The following SLCO3A1 variants were observed in gnomAD, a reference collection of about 807,000 sequenced individuals.
The protein encoded by SLCO3A1 is PGE1 transporter.
A neutral mutation model predicts 63.1 loss-of-function variants in SLCO3A1; 27 were observed. The observed-to-expected ratio is 0.43, with a 90% confidence interval of 0.32 to 0.59. SLCO3A1 has a LOEUF of 0.59. Among genes scored for constraint, SLCO3A1 ranks in the 20% least tolerant of loss-of-function variants. The probability of loss-of-function intolerance (pLI) is 0.09; values close to 1 mark genes in which losing one functional copy is unlikely to be tolerated. For synonymous variants in SLCO3A1, 473 were observed against 409.9 expected, an observed-to-expected ratio of 1.15 and a Z score of -1.86; for missense variants, 773 against 945.8, an observed-to-expected ratio of 0.82 and a Z score of 2.40.
intron 1 of SLCO3A1, among the ~76,000 whole-genome samples, chr15:91,870,071 T>G (rs998403580): frequency 6.6e-6 from 1 of 152,070 alleles, no homozygotes; most frequent in African/African-American, 2.4e-5. Flanking sequence ...TTGGGGAGGA[T>G]TGAGTGGGGA....
At chr15:92,134,884 G>A (rs904245657) in intron 7 of SLCO3A1, among the ~76,000 whole-genome samples, 2 of 152,132 alleles carry the variant, frequency 1.3e-5, no homozygotes, top group African/African-American at 2.4e-5. Context: ...TTCTGGGTGG[G>A]GCAGGGGTGG....
chr15:91,972,831 G>C (rs1900930369), intron 2 of SLCO3A1, among the ~76,000 whole-genome samples: 1 of 152,158 alleles, frequency 6.6e-6, no homozygotes, highest in Non-Finnish European at 1.5e-5. Flanking sequence ...CATAGAAAAG[G>C]ACAGTGGGGC....
At chr15:91,969,436 G>C (rs1021897654) in intron 2 of SLCO3A1, among the ~76,000 whole-genome samples, 2 of 151,924 alleles carry the variant, frequency 1.3e-5, no homozygotes, top group African/African-American at 4.8e-5. Context: ...CTCCCAAATA[G>C]CTTGGGTTAC....
intron 1 of SLCO3A1, among the ~76,000 whole-genome samples, chr15:91,855,350 A>G (rs1021889195): frequency 3.3e-5 from 5 of 152,166 alleles, no homozygotes; most frequent in Non-Finnish European, 7.3e-5. Context: ...GTGTTGAGGA[A>G]GTTAGGTGGT....
chr15:91,889,181 G>T lies in SLCO3A1; in HGVS notation c.181-26812G>T, dbSNP rs755163437. 3 of 1,286,358 alleles carry T rather than the reference G, an allele frequency of 2.3e-6. No individual in the cohort carries two copies. The Admixed American group carries it at 6.9e-5, about 30-fold the overall frequency. The allele number at this position is 1,286,358 out of a possible 1,614,324, so 79.7% of individuals were successfully genotyped here. On this transcript the variant is annotated intron_variant, in intron 1 of 9. Transcript: ENST00000318445. ...GTTCCTTGACTGATGTCATAACACT[G>T]GAGATGCATGCTCCTTAGATGAATG...
At chr15:91,922,020 C>A (rs938040306) in intron 2 of SLCO3A1, among the ~76,000 whole-genome samples, 2 of 152,166 alleles carry the variant, frequency 1.3e-5, no homozygotes, top group Non-Finnish European at 2.9e-5. Flanking sequence ...CAGGCATGAG[C>A]CACTGCGCCC....
chr15:92,135,228 T>C (rs1189667170), intron 7 of SLCO3A1, among the ~76,000 whole-genome samples: 1 of 152,166 alleles, frequency 6.6e-6, no homozygotes, highest in Non-Finnish European at 1.5e-5. Flanking sequence ...CTTTCACCTT[T>C]CCGTGATCTC....
chr15:92,093,219 G>A (rs1241768050), intron 2 of SLCO3A1, among the ~76,000 whole-genome samples: 2 of 152,160 alleles, frequency 1.3e-5, no homozygotes, highest in African/African-American at 2.4e-5. Context: ...AGACAGTACC[G>A]GAAGCATGGT....
intron 1 of SLCO3A1, among the ~76,000 whole-genome samples, chr15:91,884,582 T>A (rs1456705698): frequency 3.3e-5 from 5 of 152,076 alleles, no homozygotes; most frequent in African/African-American, 9.7e-5. Context: ...TTAAATTGTT[T>A]TAAAATAAAA....
At chr15:92,068,453 T>C (rs896357986) in intron 2 of SLCO3A1, among the ~76,000 whole-genome samples, 1 of 152,154 alleles carries the variant, frequency 6.6e-6, no homozygotes, top group Non-Finnish European at 1.5e-5. Flanking sequence ...AATTCATTCA[T>C]AGCCCAACCA....
At position 91,865,602 on chromosome 15, in the gene SLCO3A1, G is replaced by A. The variant is rs1364122078; in HGVS notation, c.180+11514G>A. 6.6e-6 allele frequency among the ~76,000 whole-genome samples: 1 copy of A among 152,130 alleles called. No individual in the cohort carries two copies. The highest frequency in any genetic ancestry group is 1.5e-5 in the Non-Finnish European group (1 of 68,022). On this transcript the variant is annotated intron_variant, in intron 1 of 9. Transcript: ENST00000318445. This position sits in a 1 kb window ranked among gnomAD's most constrained non-coding sequence, Gnocchi z 4.6. ...TCCTTGCCTCTTCATGGCATGTGGG[G>A]GTGGCCAAGGGTCCTTGGATTCCTT...
intron 2 of SLCO3A1, among the ~76,000 whole-genome samples, chr15:92,044,459 G>A (rs2046836178): frequency 6.6e-6 from 1 of 152,094 alleles, no homozygotes; most frequent in Non-Finnish European, 1.5e-5. Flanking sequence ...TCTCAGGCAA[G>A]CAAACAAGAG....
intron 4 of SLCO3A1, among the ~76,000 whole-genome samples, chr15:92,117,467 C>A (rs915811522): frequency 6.6e-6 from 1 of 152,188 alleles, no homozygotes; most frequent in Non-Finnish European, 1.5e-5. Flanking sequence ...ATGTCCCCAG[C>A]CTGCCTATTT....
In SLCO3A1 at chr15:92,027,025, G is replaced by A. The variant is rs1199651025; in HGVS notation, c.647-67856G>A. 3.3e-5 allele frequency among the ~76,000 whole-genome samples: 5 copies of A among 152,108 alleles called. No individual in the cohort carries two copies. The South Asian group carries it at 6.2e-4, about 19-fold the overall frequency. Reference sequence around the variant, plus strand: ...GAATCACTTGAACCCAGGAGGTGGAGGTTGCAGTGAGCCAAGATCGTGCCA... The same window carrying A: ...GAATCACTTGAACCCAGGAGGTGGAAGTTGCAGTGAGCCAAGATCGTGCCA... On this transcript the variant is annotated intron_variant, in intron 2 of 9. Transcript: ENST00000318445.
chr15:91,996,545 A>G (rs2046194326), intron 2 of SLCO3A1, among the ~76,000 whole-genome samples: 1 of 152,126 alleles, frequency 6.6e-6, no homozygotes, highest in Non-Finnish European at 1.5e-5. Context: ...TAATTAACAT[A>G]ATTTCGTGTA....
At chr15:91,873,531 TACAC>T (rs71912147) in intron 1 of SLCO3A1, among the ~76,000 whole-genome samples, 4,882 of 146,528 alleles carry the variant, frequency 0.033, 92 homozygotes, top group African/African-American at 0.039. Context: ...GCTACATTCA[TACAC>T]ACACACACAC....
At position 92,136,808 on chromosome 15, in the gene SLCO3A1, T is replaced by C. The variant is rs567981944; in HGVS notation, c.1512+8319T>C. ...GTTTCTTGTACATCCTTCTGGATTT[T>C]TTACTGCACATAAAAGGCCCTATTC... is the stretch of plus-strand genomic sequence containing the variant. On this transcript the variant is annotated intron_variant, in intron 7 of 9. Coordinates refer to ENST00000318445, the MANE Select transcript of SLCO3A1 (RefSeq NM_013272.4). Among the ~76,000 whole-genome samples, 73 of 151,910 alleles carry C rather than the reference T, an allele frequency of 4.8e-4. 1 individual carries two copies. Among genetic ancestry groups the C allele is most frequent in the African/African-American group, 1.5e-3 (61 of 41,556 alleles).
intron 2 of SLCO3A1, among the ~76,000 whole-genome samples, chr15:91,923,941 T>G (rs2017853288): frequency 6.6e-6 from 1 of 152,264 alleles, no homozygotes; most frequent in South Asian, 2.1e-4. Context: ...GATGAATGTC[T>G]CTGTGGCTTT....
chr15:91,930,311 A>G, intron 2 of SLCO3A1, among the ~76,000 whole-genome samples: 1 of 152,156 alleles, frequency 6.6e-6, no homozygotes, highest in Non-Finnish European at 1.5e-5. Flanking sequence ...CACTGTGCCC[A>G]ATCCAGCCTG....
Sources: allele counts gnomAD v4.1 joint callset (sites outside exome capture counted in the v4.1 genomes callset), GRCh38; gene constraint gnomAD v4.1.1; non-coding constraint Gnocchi (gnomAD v3.1); transcripts MANE v1.5; gene names NCBI Gene and HGNC (gene_info 2026-07-23, HGNC 2026-07-21).